The following SHANK2 variants were observed in gnomAD, a reference collection of about 807,000 sequenced individuals.
SHANK2 encodes SH3 and multiple ankyrin repeat domains 2, also known as SH3 and multiple ankyrin repeat domains protein 2.
In SHANK2, 43 loss-of-function variants were observed where a neutral mutation model predicts 133.7. The ratio of observed to expected loss-of-function variants is 0.32; its 90% CI spans 0.25 to 0.41. SHANK2 has a LOEUF of 0.41. Ranked by LOEUF, SHANK2 falls within the 10% of genes least tolerant of loss-of-function variation. SHANK2 has a pLI of 1.00. For synonymous variants in SHANK2, 1,017 were observed against 952.8 expected (o/e 1.07, Z -1.24); for missense variants, 1,994 against 2,235.8 (o/e 0.89, Z 2.18).
At chr11:70,646,791 A>T (rs1246921188) in intron 17 of SHANK2, among the ~76,000 whole-genome samples, 7 of 151,864 alleles carry the variant, frequency 4.6e-5, no homozygotes, top group African/African-American at 1.7e-4. Flanking sequence ...CTTTAATAGT[A>T]CTTCTCCAGT....
intron 15 of SHANK2, among the ~76,000 whole-genome samples, chr11:70,695,881 C>T (rs1424169832): frequency 8.5e-5 from 13 of 152,186 alleles, no homozygotes; most frequent in African/African-American, 3.1e-4. Flanking sequence ...GATCCCTCGC[C>T]ATGGGAGTAC....
chr11:70,568,494 G>C (rs978666556), intron 17 of SHANK2, among the ~76,000 whole-genome samples: 5 of 152,160 alleles, frequency 3.3e-5, no homozygotes, highest in Non-Finnish European at 7.4e-5. Flanking sequence ...GCAATCCTCG[G>C]AGCTCCGTGA....
At chr11:71,094,479 G>GCAGC (rs1237926798) in intron 7 of SHANK2, 58 bp downstream of exon 7, 26 of 1,503,494 alleles carry the variant, frequency 1.7e-5, no homozygotes, top group Non-Finnish European at 2.2e-5. Flanking sequence ...ATGGGATGGG[G>GCAGC]CAGCCGCACG....
intron 1 of SHANK2, among the ~76,000 whole-genome samples, chr11:71,231,686 C>T (rs777838954): frequency 2.0e-5 from 3 of 152,150 alleles, no homozygotes; most frequent in Admixed American, 6.5e-5. Flanking sequence ...CCCAGGTGTT[C>T]AAGACCAGCC....
At position 70,715,051 on chromosome 11, in the gene SHANK2, C is replaced by G. The variant is rs932272423; in HGVS notation, c.1778-16288G>C. On this transcript the variant is annotated intron_variant, in intron 14 of 25. Transcript: ENST00000601538. ...AACTCCTGGCCTCAAGCAATCCCCC[C>G]ACCTCAGCCTCCCAAAGCACTGGGA... Among the ~76,000 whole-genome samples the G allele has an allele frequency of 3.3e-5, 5 of 152,154 alleles. No homozygotes were observed. The South Asian group carries it at 1.0e-3, about 32-fold the overall frequency.
intron 17 of SHANK2, among the ~76,000 whole-genome samples, chr11:70,504,310 C>G (rs1319292663): frequency 3.9e-5 from 5 of 126,986 alleles, no homozygotes; most frequent in African/African-American, 1.3e-4. Flanking sequence ...TGGATAGAAG[C>G]AGGTACTGCC....
At chr11:70,599,941 A>AAG (rs2060467401) in intron 17 of SHANK2, among the ~76,000 whole-genome samples, 1 of 129,082 alleles carries the variant, frequency 7.7e-6, no homozygotes, top group African/African-American at 3.4e-5. Flanking sequence ...GAAAGAAAGA[A>AAG]AGAAAGAAAG....
intron 17 of SHANK2, among the ~76,000 whole-genome samples, chr11:70,578,475 A>G (rs1338401832): frequency 2.0e-5 from 3 of 152,192 alleles, no homozygotes; most frequent in Admixed American, 6.5e-5. Flanking sequence ...CCCATCCTGG[A>G]CCACAGCATT....
chr11:71,250,717 G>A (rs909273511), intron 1 of SHANK2, among the ~76,000 whole-genome samples: 1 of 152,102 alleles, frequency 6.6e-6, no homozygotes, highest in Non-Finnish European at 1.5e-5. Flanking sequence ...TGCACAGAAG[G>A]GCGTCACTAA....
At chr11:70,568,257 C>T (rs4638328) in intron 17 of SHANK2, among the ~76,000 whole-genome samples, 11,009 of 152,262 alleles carry the variant, frequency 0.072, 766 homozygotes, top group African/African-American at 0.19. Context: ...GGGGCGGCGC[C>T]GTCTCCAGCA....
chr11:70,600,148 G>A (rs1283435417), intron 17 of SHANK2, among the ~76,000 whole-genome samples: 1 of 152,214 alleles, frequency 6.6e-6, no homozygotes. Context: ...AGCAGGCACG[G>A]TGGCTCACAC....
intron 3 of SHANK2, among the ~76,000 whole-genome samples, chr11:71,133,509 GCAGA>G (rs1952374506): frequency 6.6e-6 from 1 of 151,844 alleles, no homozygotes; most frequent in African/African-American, 2.4e-5. Context: ...TGGATGGCAG[GCAGA>G]CAGGCAGGCA....
chr11:71,152,690 C>T (rs1952821137), intron 2 of SHANK2, among the ~76,000 whole-genome samples: 1 of 152,136 alleles, frequency 6.6e-6, no homozygotes, highest in South Asian at 2.1e-4. Flanking sequence ...GAAGAGGAAC[C>T]GGGATTTCGT....
chr11:71,193,189 G>C (rs1457816850), intron 2 of SHANK2, among the ~76,000 whole-genome samples: 1 of 152,092 alleles, frequency 6.6e-6, no homozygotes, highest in Non-Finnish European at 1.5e-5. Context: ...TCAAACCAAA[G>C]GCACGGGCCC....
At chr11:70,556,458 C>T (rs553944237) in intron 17 of SHANK2, among the ~76,000 whole-genome samples, 5 of 151,844 alleles carry the variant, frequency 3.3e-5, no homozygotes, top group South Asian at 4.2e-4. Flanking sequence ...CTCTGTTGCC[C>T]AGGCTGGGTT....
chr11:70,682,022 G>C (rs1831290045), intron 15 of SHANK2, among the ~76,000 whole-genome samples: 1 of 152,050 alleles, frequency 6.6e-6, no homozygotes, highest in Non-Finnish European at 1.5e-5. Context: ...CCCTTTCAGA[G>C]AAACAGGAGT....
intron 11 of SHANK2, among the ~76,000 whole-genome samples, chr11:70,874,268 CAATCT>C (rs1314779349): frequency 7.4e-4 from 113 of 152,080 alleles, no homozygotes; most frequent in African/African-American, 2.3e-3. Context: ...TAATCTAATC[CAATCT>C]AATCTAATCT....
At chr11:71,176,552 A>G (rs761362265) in intron 2 of SHANK2, among the ~76,000 whole-genome samples, 1 of 152,224 alleles carries the variant, frequency 6.6e-6, no homozygotes, top group Non-Finnish European at 1.5e-5. Flanking sequence ...TAAAAACTAC[A>G]ATATCTGAAG....
At chr11:70,717,317 T>C (rs553818721) in intron 14 of SHANK2, among the ~76,000 whole-genome samples, 1 of 152,290 alleles carries the variant, frequency 6.6e-6, no homozygotes, top group Non-Finnish European at 1.5e-5. Flanking sequence ...GGAAGAGATG[T>C]ATGAATTTGT....
Sources: gnomAD v4.1 joint callset for allele counts (sites outside exome capture counted in the v4.1 genomes callset) on GRCh38, gnomAD v4.1.1 for gene constraint, MANE v1.5 for transcripts, NCBI Gene and HGNC (gene_info 2026-07-23, HGNC 2026-07-21) for gene names.